NXPH1: variants seen among roughly 807,000 people sequenced by gnomAD.
The protein encoded by NXPH1 is neurexophilin 1, also known as neurexophilin-1.
Under a neutral mutation model 23.7 loss-of-function variants are expected in NXPH1, and 5 were observed. The observed-to-expected ratio is 0.21, with a 90% CI of 0.11 to 0.44. The LOEUF is 0.44. Among genes scored for constraint, NXPH1 ranks in the 20% least tolerant of loss-of-function variants. The probability of loss-of-function intolerance (pLI) is 0.99; values close to 1 mark genes in which losing one functional copy is unlikely to be tolerated. For missense variants in NXPH1, 324 were observed against 321.6 expected (o/e 1.01, Z -0.06); for synonymous variants, 144 against 122.2 (o/e 1.18, Z -1.18).
chr7:8,649,339 G>A (rs1359671050), intron 2 of NXPH1, among the ~76,000 whole-genome samples: 1 of 151,384 alleles, frequency 6.6e-6, no homozygotes, highest in African/African-American at 2.4e-5. Flanking sequence ...TGTATTCAAT[G>A]TTTATTTTGT....
chr7:8,518,602 T>C (rs945913686), intron 2 of NXPH1, among the ~76,000 whole-genome samples: 2 of 151,994 alleles, frequency 1.3e-5, no homozygotes, highest in African/African-American at 4.8e-5. Context: ...TCCTTTTGCC[T>C]CAGCTCCCCA....
intron 2 of NXPH1, among the ~76,000 whole-genome samples, chr7:8,540,069 C>T (rs921039463): frequency 4.0e-5 from 6 of 151,830 alleles, no homozygotes; most frequent in Admixed American, 6.6e-5. Flanking sequence ...CTATTACACG[C>T]TAATTTTATA....
intron 2 of NXPH1, among the ~76,000 whole-genome samples, chr7:8,660,975 A>C (rs1820660272): frequency 1.1e-5 from 1 of 88,896 alleles, no homozygotes; most frequent in African/African-American, 3.5e-5. Context: ...TTTTTAAAGT[A>C]AGTGGCTAAC....
chr7:8,591,890 G>A (rs1440204799), intron 2 of NXPH1, among the ~76,000 whole-genome samples: 2 of 146,536 alleles, frequency 1.4e-5, no homozygotes, highest in African/African-American at 2.5e-5. Flanking sequence ...ACTTCCTTAT[G>A]TTTGAGGACA....
Position 8,434,707 on chromosome 7 carries a change from C to A in NXPH1, c.-159C>A, listed in dbSNP as rs1306282287. On this transcript the variant is annotated 5_prime_UTR_variant, in exon 1 of 3. Transcript: ENST00000405863. The surrounding 1 kb of genome is among the most constrained non-coding windows in gnomAD (Gnocchi z 7.6). Reference sequence around the variant, plus strand: ...AGGCCCGAGTAGCTTCTCCATGGAGCCTGCCCAGAGCGGTCCCTTCTCGCA... The same window carrying A: ...AGGCCCGAGTAGCTTCTCCATGGAGACTGCCCAGAGCGGTCCCTTCTCGCA... 6.5e-6 allele frequency: 1 copy of A among 152,792 alleles called. No homozygotes were observed. The highest frequency in any genetic ancestry group is 2.4e-5 in the African/African-American group (1 of 41,446). 9.5% of individuals were successfully genotyped at this position (152,792 alleles called of 1,614,324 possible). A position where few individuals can be genotyped will look rare whatever the true frequency, so the allele number is the denominator to read the frequency against.
At chr7:8,633,510 G>A (rs7795825) in intron 2 of NXPH1, among the ~76,000 whole-genome samples, 2,850 of 152,256 alleles carry the variant, frequency 0.019, 95 homozygotes, top group African/African-American at 0.065. Flanking sequence ...TTGTACTACA[G>A]TGTTGCGTGA....
chr7:8,582,332 C>T (rs1372824334), intron 2 of NXPH1, among the ~76,000 whole-genome samples: 1 of 152,172 alleles, frequency 6.6e-6, no homozygotes, highest in Non-Finnish European at 1.5e-5. Context: ...ATAGCTCTTT[C>T]AGTCCTGCCA....
intron 2 of NXPH1, among the ~76,000 whole-genome samples, chr7:8,683,141 G>A (rs571217525): frequency 1.3e-5 from 2 of 152,306 alleles, no homozygotes; most frequent in South Asian, 4.1e-4. Context: ...CCAGGTCGAA[G>A]GTGAAGTGGG....
At chr7:8,643,650 A>T (rs1369957195) in intron 2 of NXPH1, among the ~76,000 whole-genome samples, 1 of 152,104 alleles carries the variant, frequency 6.6e-6, no homozygotes, top group Non-Finnish European at 1.5e-5. Context: ...TACGAACAAG[A>T]TTTCTCTATA....
chr7:8,611,373 C>T (rs1462555916), intron 2 of NXPH1, among the ~76,000 whole-genome samples: 2 of 152,120 alleles, frequency 1.3e-5, no homozygotes, highest in East Asian at 1.9e-4. Flanking sequence ...TTTGAAAATA[C>T]TTGCGTTACA....
At chr7:8,735,285 A>G (rs995738847) in intron 2 of NXPH1, among the ~76,000 whole-genome samples, 6 of 152,286 alleles carry the variant, frequency 3.9e-5, no homozygotes, top group Admixed American at 1.3e-4. Context: ...GGTTTGTCAT[A>G]AATAGCTCTT....
intron 2 of NXPH1, among the ~76,000 whole-genome samples, chr7:8,731,058 C>T (rs905024314): frequency 1.3e-5 from 2 of 148,764 alleles, no homozygotes; most frequent in African/African-American, 2.5e-5. Flanking sequence ...TGTTTTTTCT[C>T]TAAACTTCCC....
chr7:8,708,501 C>T (rs528911924), intron 2 of NXPH1, among the ~76,000 whole-genome samples: 1 of 152,180 alleles, frequency 6.6e-6, no homozygotes, highest in Admixed American at 6.5e-5. Context: ...GCTGGGATTA[C>T]AGGCACCTGC....
chr7:8,535,262 A>G (rs970149367), intron 2 of NXPH1, among the ~76,000 whole-genome samples: 13 of 152,114 alleles, frequency 8.5e-5, no homozygotes, highest in African/African-American at 2.9e-4. Flanking sequence ...GTTTGTACCA[A>G]CAAAAAAAAG....
intron 2 of NXPH1, among the ~76,000 whole-genome samples, chr7:8,501,673 G>A (rs1181429092): frequency 6.6e-6 from 1 of 152,024 alleles, no homozygotes; most frequent in Admixed American, 6.6e-5. Context: ...CAATTTTAGG[G>A]TCATAGAGGT....
At chr7:8,539,842 G>C (rs1449348333) in intron 2 of NXPH1, among the ~76,000 whole-genome samples, 2 of 151,692 alleles carry the variant, frequency 1.3e-5, no homozygotes, top group African/African-American at 4.8e-5. Flanking sequence ...CAGGAATTGA[G>C]TTTTTCTCAT....
intron 2 of NXPH1, among the ~76,000 whole-genome samples, chr7:8,561,351 GACACACAC>G (rs61219039): frequency 7.1e-6 from 1 of 140,854 alleles, no homozygotes; most frequent in Non-Finnish European, 1.5e-5. Flanking sequence ...AAGCCTATGT[GACACACAC>G]ACACACACAC....
intron 2 of NXPH1, among the ~76,000 whole-genome samples, chr7:8,484,071 G>A (rs538497788): frequency 2.0e-5 from 3 of 149,356 alleles, no homozygotes; most frequent in Admixed American, 1.3e-4. Flanking sequence ...ATCTTCATAT[G>A]CTCTGCATGC....
At chr7:8,478,156 T>C (rs1817009010) in intron 2 of NXPH1, among the ~76,000 whole-genome samples, 1 of 152,054 alleles carries the variant, frequency 6.6e-6, no homozygotes, top group Non-Finnish European at 1.5e-5. Context: ...CTTGCAAAAA[T>C]GTGTAACTGT....
Sources: allele counts gnomAD v4.1 joint callset (sites outside exome capture counted in the v4.1 genomes callset), GRCh38; gene constraint gnomAD v4.1.1; non-coding constraint Gnocchi (gnomAD v3.1); transcripts MANE v1.5; gene names NCBI Gene and HGNC (gene_info 2026-07-23, HGNC 2026-07-21).